Variants in SPIDR observed in about 807,000 individuals in gnomAD.
The protein encoded by SPIDR is DNA repair-scaffolding protein.
In SPIDR, 93 loss-of-function variants were observed where a neutral mutation model predicts 104.6. The ratio of observed to expected loss-of-function variants is 0.89; its 90% CI spans 0.75 to 1.06. The LOEUF (loss-of-function observed/expected upper bound fraction) is 1.06. Among genes scored for constraint, SPIDR ranks in the 50% least tolerant of loss-of-function variants. The pLI, the probability that SPIDR is intolerant of heterozygous loss-of-function variation, is 0.00. For synonymous variants in SPIDR, 431 were observed against 416.9 expected (o/e 1.03, Z -0.41); for missense variants, 1,154 against 1,111.2 (o/e 1.04, Z -0.55).
At chr8:47,713,244 A>G (rs1044283446) in intron 15 of SPIDR, 11 of 597,138 alleles carry the variant, frequency 1.8e-5, no homozygotes, top group African/African-American at 1.5e-4. Flanking sequence ...ATTTTTATTG[A>G]GTCATAATTC....
chr8:47,353,763 AAC>A (rs1452982278), intron 5 of SPIDR, among the ~76,000 whole-genome samples: 2 of 151,832 alleles, frequency 1.3e-5, no homozygotes, highest in East Asian at 3.9e-4. Flanking sequence ...TTTTGCCAAG[AAC>A]ACAGTGTTCT....
chr8:47,343,062 T>C (rs1554615070), intron 5 of SPIDR, among the ~76,000 whole-genome samples: 2 of 152,206 alleles, frequency 1.3e-5, no homozygotes, highest in African/African-American at 2.4e-5. Flanking sequence ...TTAGGAGAAG[T>C]TTTGAAGATT....
intron 8 of SPIDR, among the ~76,000 whole-genome samples, chr8:47,484,022 C>G (rs945582013): frequency 6.6e-6 from 1 of 151,966 alleles, no homozygotes; most frequent in Admixed American, 6.6e-5. Context: ...ATCAAGTTAG[C>G]AAACGATTTC....
chr8:47,309,933 G>C (rs1554583898), intron 5 of SPIDR, among the ~76,000 whole-genome samples: 2 of 152,004 alleles, frequency 1.3e-5, no homozygotes, highest in African/African-American at 4.8e-5. Context: ...CAGCTACTCA[G>C]GAGGCTGAGG....
intron 6 of SPIDR, among the ~76,000 whole-genome samples, chr8:47,398,601 A>G (rs532965127): frequency 1.3e-5 from 2 of 152,322 alleles, no homozygotes; most frequent in East Asian, 1.9e-4. Flanking sequence ...GTTGACAATC[A>G]TGAGGCTTTT....
intron 6 of SPIDR, among the ~76,000 whole-genome samples, chr8:47,407,089 A>G (rs1554667817): frequency 6.6e-6 from 1 of 152,150 alleles, no homozygotes; most frequent in African/African-American, 2.4e-5. Context: ...CTACATATGC[A>G]TGTATTTATT....
chr8:47,366,894 T>C (rs1554634962), intron 5 of SPIDR, among the ~76,000 whole-genome samples: 1 of 152,252 alleles, frequency 6.6e-6, no homozygotes, highest in African/African-American at 2.4e-5. Context: ...CATAAAATTC[T>C]TTATTGATGC....
intron 5 of SPIDR, among the ~76,000 whole-genome samples, chr8:47,355,546 T>C (rs782548744): frequency 6.6e-6 from 1 of 152,030 alleles, no homozygotes; most frequent in Non-Finnish European, 1.5e-5. Context: ...ACATGAAAAA[T>C]AAGTGAAGCA....
In SPIDR at chr8:47,595,660, G is replaced by T. The variant is rs974059971; in HGVS notation, c.1098-151G>T. The T allele has an allele frequency of 7.4e-6, 5 of 672,244 alleles. No individual in the cohort carries two copies. The African/African-American group carries it at 9.1e-5, about 12-fold the overall frequency. The allele number at this position is 672,244 out of a possible 1,614,324, so 41.6% of individuals were successfully genotyped here. The stretch of plus-strand genomic sequence containing the variant: ...AGTCAGACTACTGGTGGCCATGCTG[G>T]AGCATGAAGGACAGCTGTGCCTCTG... On this transcript the variant is annotated intron_variant, in intron 8 of 19. Transcript: ENST00000297423.
intron 10 of SPIDR, among the ~76,000 whole-genome samples, chr8:47,670,642 G>A (rs536159997): frequency 3.0e-4 from 46 of 151,928 alleles, no homozygotes; most frequent in South Asian, 6.2e-4. Flanking sequence ...AAATTGTACC[G>A]CATACACTAT....
chr8:47,515,506 C>T (rs2082984353), intron 8 of SPIDR, among the ~76,000 whole-genome samples: 1 of 152,152 alleles, frequency 6.6e-6, no homozygotes, highest in African/African-American at 2.4e-5. Flanking sequence ...CTGCCACTGT[C>T]CCCAAGGATC....
intron 8 of SPIDR, among the ~76,000 whole-genome samples, chr8:47,556,470 G>A (rs1204766695): frequency 1.3e-5 from 2 of 152,162 alleles, no homozygotes; most frequent in African/African-American, 4.8e-5. Flanking sequence ...GAAATCCTTT[G>A]GTTAGCCAGC....
chr8:47,312,181 G>C (rs2044310743), intron 5 of SPIDR, among the ~76,000 whole-genome samples: 3 of 152,136 alleles, frequency 2.0e-5, no homozygotes, highest in Admixed American at 2.0e-4. Context: ...AGTAAACATA[G>C]GTGTGCGTGT....
intron 5 of SPIDR, among the ~76,000 whole-genome samples, chr8:47,301,229 T>C (rs973039015): frequency 1.7e-4 from 26 of 152,218 alleles, no homozygotes; most frequent in African/African-American, 6.3e-4. Context: ...CTGATCTTTG[T>C]TGGCTTAAAG....
intron 8 of SPIDR, among the ~76,000 whole-genome samples, chr8:47,519,323 T>G (rs1434237408): frequency 1.3e-5 from 2 of 152,156 alleles, no homozygotes; most frequent in African/African-American, 4.8e-5. Flanking sequence ...TTTTGTCTTT[T>G]TAGTAGAGGC....
At chr8:47,698,279 T>A (rs1443630537) in intron 11 of SPIDR, among the ~76,000 whole-genome samples, 1 of 152,210 alleles carries the variant, frequency 6.6e-6, no homozygotes, top group Non-Finnish European at 1.5e-5. Context: ...GTTTCCTGTG[T>A]AACAAAATGA....
chr8:47,324,777 T>C (rs371087260), intron 5 of SPIDR, among the ~76,000 whole-genome samples: 8 of 152,190 alleles, frequency 5.3e-5, no homozygotes, highest in Admixed American at 3.3e-4. Flanking sequence ...GTGGTACTTA[T>C]ATTAGTTTGC....
At chr8:47,334,084 G>A (rs2049256194) in intron 5 of SPIDR, among the ~76,000 whole-genome samples, 2 of 152,134 alleles carry the variant, frequency 1.3e-5, no homozygotes, top group African/African-American at 4.8e-5. Context: ...CATATTTTGG[G>A]ATGTTCCATG....
intron 8 of SPIDR, among the ~76,000 whole-genome samples, chr8:47,592,792 G>A (rs1178071968): frequency 1.3e-5 from 2 of 152,180 alleles, no homozygotes; most frequent in Non-Finnish European, 2.9e-5. Flanking sequence ...AACTCAAGAG[G>A]AGTAGGAAAG....
Sources: allele counts gnomAD v4.1 joint callset (sites outside exome capture counted in the v4.1 genomes callset), GRCh38; gene constraint gnomAD v4.1.1; transcripts MANE v1.5; gene names NCBI Gene and HGNC (gene_info 2026-07-23, HGNC 2026-07-21).